The following SHC1 variants were observed in gnomAD, a reference collection of about 807,000 sequenced individuals.
SHC1 encodes the protein SHC-transforming protein 1.
In SHC1, 30 loss-of-function variants were observed where a neutral mutation model predicts 55.9. The ratio of observed to expected loss-of-function variants is 0.54; its 90% CI spans 0.40 to 0.73. The LOEUF (loss-of-function observed/expected upper bound fraction) is 0.73. Ranked by LOEUF, SHC1 falls within the 30% of genes least tolerant of loss-of-function variation. The pLI, the probability that SHC1 is intolerant of heterozygous loss-of-function variation, is 0.00. For synonymous variants in SHC1, 309 were observed against 306.1 expected (o/e 1.01, Z -0.10); for missense variants, 675 against 777.1 (o/e 0.87, Z 1.56).
chr1:154,968,034 G>A lies in SHC1; in HGVS notation c.805-3C>T, dbSNP rs767403276. ...TAGGCGACATACTCGGCTGTGTCCT[G>A]GGGAGGAAGGTCAAAAAATTTTACA... On this transcript the variant is annotated splice_region_variant and splice_polypyrimidine_tract_variant and intron_variant, in intron 5 of 11. Coordinates refer to ENST00000448116, the MANE Select transcript of SHC1 (RefSeq NM_001130040.2). 3.1e-6 allele frequency: 5 copies of A among 1,613,978 alleles called. No homozygotes were observed. The Admixed American group carries it at 8.3e-5, about 27-fold the overall frequency.
chr1:154,972,644 G>GAA (rs1200547757), upstream of SHC1, among the ~76,000 whole-genome samples: 1 of 152,196 alleles, frequency 6.6e-6, no homozygotes, highest in Non-Finnish European at 1.5e-5. Context: ...CGGAAGAAAA[G>GAA]AAAGACGTAT....
upstream of SHC1, among the ~76,000 whole-genome samples, chr1:154,973,713 C>T (rs576556652): frequency 6.6e-6 from 1 of 152,028 alleles, no homozygotes; most frequent in Non-Finnish European, 1.5e-5. Context: ...GACGACAAGG[C>T]TTTTCAGCTG....
upstream of SHC1, among the ~76,000 whole-genome samples, chr1:154,971,317 G>A (rs985123843): frequency 4.6e-5 from 7 of 152,160 alleles, no homozygotes; most frequent in African/African-American, 1.7e-4. Context: ...AGTGGGGATG[G>A]GAAGTAAGTG....
chr1:154,963,581 A>C lies in SHC1; in HGVS notation c.*222T>G. 1.9e-6 allele frequency: 1 copy of C among 524,386 alleles called. No homozygotes were observed. Among genetic ancestry groups the C allele is most frequent in the Non-Finnish European group, 3.4e-6 (1 of 290,504 alleles). 32.5% of individuals were successfully genotyped at this position (524,386 alleles called of 1,614,324 possible). A position where few individuals can be genotyped will look rare whatever the true frequency, so the allele number is the denominator to read the frequency against. ...GCCCAGGTGAGGGGCCACTCTGTAC[A>C]TTAATACTTTGGTGATTAATGTTTG... On this transcript the variant is annotated 3_prime_UTR_variant, in exon 12 of 12. Coordinates refer to ENST00000448116, the MANE Select transcript of SHC1 (RefSeq NM_001130040.2).
intron 11 of SHC1, chr1:154,964,445 T>A: frequency 2.8e-6 from 1 of 354,212 alleles, no homozygotes; most frequent in Non-Finnish European, 5.5e-6. Context: ...AAACCCTATC[T>A]CAAAAAAAAA....
rs1472762936 is a variant in SHC1 at position 154,965,674 on chromosome 1, C to T, written c.1495G>A (p.Ala499Thr). The part of the protein sequence containing the change: ...WFHGKLSRRE[A>T]EALLQLNGDF... ...CCATTGAGCTGCAGCAGTGCCTCAG[C>T]CTCCCGCCGGCTCAGCTTCCCATGG... The change falls in exon 11 of 12, where the codon GCT becomes ACT. Residue 499 changes from alanine (A) to threonine (T), a missense_variant. Physicochemically the swap from Ala to Thr is moderately conservative, Grantham distance 58. Transcript: ENST00000448116. 2 of 1,614,222 alleles carry T rather than the reference C, an allele frequency of 1.2e-6. No homozygotes were observed. The highest frequency in any genetic ancestry group is 1.7e-6 in the Non-Finnish European group (2 of 1,180,046).
Position 154,966,378 on chromosome 1 carries a change from C to G in SHC1, c.1123G>C (p.Gly375Arg). 6.2e-7 allele frequency: 1 copy of G among 1,614,164 alleles called. No individual in the cohort carries two copies. Among genetic ancestry groups the G allele is most frequent in the South Asian group, 1.1e-5 (1 of 91,082 alleles). The change falls in exon 8 of 12, where the codon GGG becomes CGG. Residue 375 changes from glycine to arginine, a missense_variant. This residue lies in a region of SHC1 where 360 missense variants were observed against 371.1 expected (regional missense o/e 0.97). Transcript: ENST00000448116. ...TTGGGTGCAGTGGGTCGAGCAGCCC[C>G]TGGAGCGGCTCCTTCCCGAAGCCTC... The part of the protein sequence containing the change: ...DMRLREGAAP[G>R]AARPTAPNAQ...
Position 154,970,634 on chromosome 1 carries a change from G to A in SHC1, c.-108C>T. ...GCCCTTAGCCTGGTTGGACCTCTGTGGCCCAGGAGTCACAGAAGTCCTGGG... is the reference window on the plus strand; with the variant it reads ...GCCCTTAGCCTGGTTGGACCTCTGTAGCCCAGGAGTCACAGAAGTCCTGGG... On this transcript the variant is annotated 5_prime_UTR_variant, in exon 1 of 12. Coordinates refer to ENST00000448116, the MANE Select transcript of SHC1 (RefSeq NM_001130040.2). This position sits in a 1 kb window ranked among gnomAD's most constrained non-coding sequence, Gnocchi z 5.5. 1.4e-6 allele frequency: 1 copy of A among 706,328 alleles called. No homozygotes were observed. Among genetic ancestry groups the A allele is most frequent in the Non-Finnish European group, 2.4e-6 (1 of 418,654 alleles). The allele number at this position is 706,328 out of a possible 1,614,324, so 43.8% of individuals were successfully genotyped here. A position where few individuals can be genotyped will look rare whatever the true frequency, so the allele number is the denominator to read the frequency against.
chr1:154,965,894 C>T (rs1655900166), intron 10 of SHC1, 52 bp downstream of exon 10: 4 of 1,586,266 alleles, frequency 2.5e-6, no homozygotes, highest in Non-Finnish European at 3.4e-6. Context: ...GGAGAAGGGC[C>T]AGAACCAAGT....
At position 154,970,170 on chromosome 1, in the gene SHC1, C is replaced by CCCG; in HGVS notation, c.354_356dup (p.Gly119dup). The stretch of plus-strand genomic sequence containing the variant: ...GGCCCCCTTCCACCCGAGTCCTGCG[C>CCCG]CCGCCGCCTCCACTCAGCTTGTTCA... On this transcript the variant is annotated inframe_insertion, in exon 1 of 12. Transcript: ENST00000448116. This position sits in a 1 kb window ranked among gnomAD's most constrained non-coding sequence, Gnocchi z 5.5. 1 of 1,613,606 alleles carries CCCG rather than the reference C, an allele frequency of 6.2e-7. No homozygotes were observed. Among genetic ancestry groups the CCCG allele is most frequent in the Non-Finnish European group, 8.5e-7 (1 of 1,179,934 alleles).
At position 154,970,650 on chromosome 1, in the gene SHC1, A is replaced by G. The variant is rs1157697627; in HGVS notation, c.-124T>C. 6 of 643,528 alleles carry G rather than the reference A, an allele frequency of 9.3e-6. No homozygotes were observed. The highest frequency in any genetic ancestry group is 8.5e-4 in the Middle Eastern group (2 of 2,350). The allele number at this position is 643,528 out of a possible 1,614,324, so 39.9% of individuals were successfully genotyped here. Reference sequence around the variant, plus strand: ...GACCTCTGTGGCCCAGGAGTCACAGAAGTCCTGGGGAGGGAGAGGGACAAG... The same window carrying G: ...GACCTCTGTGGCCCAGGAGTCACAGGAGTCCTGGGGAGGGAGAGGGACAAG... On this transcript the variant is annotated 5_prime_UTR_variant, in exon 1 of 12. Coordinates refer to ENST00000448116, the MANE Select transcript of SHC1 (RefSeq NM_001130040.2). This position sits in a 1 kb window ranked among gnomAD's most constrained non-coding sequence, Gnocchi z 5.5.
intron 11 of SHC1, among the ~76,000 whole-genome samples, chr1:154,964,630 T>C (rs1352273045): frequency 1.3e-5 from 2 of 152,048 alleles, no homozygotes; most frequent in Non-Finnish European, 2.9e-5. Flanking sequence ...ACTACAGGCA[T>C]GTGTCACCAT....
rs769482770 is a variant in SHC1 at position 154,965,553 on chromosome 1, G to T, written c.1616C>A (p.Pro539His). The change falls in exon 11 of 12, where the codon CCT (proline) becomes CAT (histidine). Residue 539 changes from proline (P) to histidine (H), a missense_variant. Around this residue, in one of 3 missense-constraint regions of SHC1, gnomAD observed 360 missense variants for 371.1 expected, o/e 0.97. Coordinates refer to ENST00000448116, the MANE Select transcript of SHC1 (RefSeq NM_001130040.2). ...CTCTGCCACACTCACCACACCCTCAGGGTCCACCAGTAGCAAATGCTTAGG... is the reference window on the plus strand; with the variant it reads ...CTCTGCCACACTCACCACACCCTCATGGTCCACCAGTAGCAAATGCTTAGG... The part of the protein sequence containing the change: ...GQPKHLLLVD[P>H]EGVVRTKDHR... 1 of 1,614,156 alleles carries T rather than the reference G, an allele frequency of 6.2e-7. No individual in the cohort carries two copies. The highest frequency in any genetic ancestry group is 8.5e-7 in the Non-Finnish European group (1 of 1,180,034).
Position 154,966,097 on chromosome 1 carries a change from T to C in SHC1, c.1253-17A>G. ...CTCTGCCTGCTGAGGAAAGGGAGGC[T>C]CTACAGTGATCCCAGCCCTGCCTCC... On this transcript the variant is annotated splice_polypyrimidine_tract_variant and intron_variant, in intron 9 of 11. Transcript: ENST00000448116. 3 of 1,613,918 alleles carry C rather than the reference T, an allele frequency of 1.9e-6. No individual in the cohort carries two copies. The highest frequency in any genetic ancestry group is 1.3e-5 in the African/African-American group (1 of 74,968).
In SHC1 at chr1:154,967,814, G is replaced by C; in HGVS notation, c.857-17C>G. 1 of 1,613,454 alleles carries C rather than the reference G, an allele frequency of 6.2e-7. No individual in the cohort carries two copies. The highest frequency in any genetic ancestry group is 8.5e-7 in the Non-Finnish European group (1 of 1,179,494). On this transcript the variant is annotated splice_polypyrimidine_tract_variant and intron_variant, in intron 6 of 11. Transcript: ENST00000448116. ...TGTGGCAGGCTGAGGGCACAGCAGA[G>C]GCTGTCAGTGAGCTGAGCCCACTGG... is the stretch of plus-strand genomic sequence containing the variant.
At chr1:154,965,821 C>T in intron 10 of SHC1, 40 bp from the exon 11 acceptor site, 3 of 1,586,226 alleles carry the variant, frequency 1.9e-6, no homozygotes, top group Non-Finnish European at 2.6e-6. Context: ...GTAGCAGGCA[C>T]AACACACACC....
rs1278576124 is a variant in SHC1, at chr1:154,963,611, G to A, written c.*192C>T. 1.0e-5 allele frequency: 6 copies of A among 581,116 alleles called. No individual in the cohort carries two copies. The highest frequency in any genetic ancestry group is 9.1e-6 in the Non-Finnish European group (3 of 328,696). The allele number at this position is 581,116 out of a possible 1,614,324, so 36.0% of individuals were successfully genotyped here. ...TACTTTGGTGATTAATGTTTGGGGA[G>A]AGGCAGGATTCTCACCCAGGCTTTT... On this transcript the variant is annotated 3_prime_UTR_variant, in exon 12 of 12. Coordinates refer to ENST00000448116, the MANE Select transcript of SHC1 (RefSeq NM_001130040.2).
rs764762657 is a variant in SHC1, at chr1:154,965,336, C to T, written c.1626+207G>A. 14 of 1,515,288 alleles carry T rather than the reference C, an allele frequency of 9.2e-6. No individual in the cohort carries two copies. The Middle Eastern group carries it at 6.9e-4, about 75-fold the overall frequency. 93.9% of individuals were successfully genotyped at this position (1,515,288 alleles called of 1,614,324 possible). On this transcript the variant is annotated intron_variant, in intron 11 of 11. Transcript: ENST00000448116. ...ACAGGTGTGAGCCACCACGCCTGGC[C>T]CTGTGCCAGGACTATAAAGAACATA...
At position 154,968,844 on chromosome 1, in the gene SHC1, G is replaced by C; in HGVS notation, c.567-10C>G. The C allele has an allele frequency of 6.2e-7, 1 of 1,613,640 alleles. No homozygotes were observed. Among genetic ancestry groups the C allele is most frequent in the Non-Finnish European group, 8.5e-7 (1 of 1,179,568 alleles). ...CAGACTGATGGCCTCCCTGGGGAAA[G>C]AGGGGTACTCAGACCCAGCGCCTGC... On this transcript the variant is annotated splice_polypyrimidine_tract_variant and intron_variant, in intron 2 of 11. Transcript: ENST00000448116.
Sources: allele counts gnomAD v4.1 joint callset (sites outside exome capture counted in the v4.1 genomes callset), GRCh38; gene constraint gnomAD v4.1.1; regional missense constraint gnomAD v4.1.1; non-coding constraint Gnocchi (gnomAD v3.1); transcripts MANE v1.5; gene names NCBI Gene and HGNC (gene_info 2026-07-23, HGNC 2026-07-21).